NCOA3: variants seen among roughly 807,000 people sequenced by gnomAD.
NCOA3 encodes nuclear receptor coactivator 3.
NCOA3 carries 51 observed loss-of-function variants against 158.8 expected under a neutral mutation model. The observed-to-expected ratio is 0.32, with a 90% CI of 0.26 to 0.41. NCOA3 has a LOEUF of 0.41. Among genes scored for constraint, NCOA3 ranks in the 10% least tolerant of loss-of-function variants. NCOA3 has a pLI of 1.00. For missense variants in NCOA3, 1,510 were observed against 1,746.6 expected (o/e 0.86, Z 2.41); for synonymous variants, 537 against 592.4 (o/e 0.91, Z 1.36).
chr20:47,548,684 T>C (rs1321596916), intron 1 of NCOA3, among the ~76,000 whole-genome samples: 2 of 152,216 alleles, frequency 1.3e-5, no homozygotes, highest in Non-Finnish European at 2.9e-5. Context: ...AAAGTGTGCA[T>C]GTATATTATG....
intron 16 of NCOA3, among the ~76,000 whole-genome samples, chr20:47,641,746 C>T (rs961342205): frequency 5.9e-5 from 9 of 151,992 alleles, no homozygotes; most frequent in Admixed American, 6.6e-5. Flanking sequence ...CCGCCCGCCT[C>T]GGCCTCCCAA....
intron 1 of NCOA3, among the ~76,000 whole-genome samples, chr20:47,572,081 C>T (rs979420876): frequency 2.0e-5 from 3 of 152,130 alleles, no homozygotes; most frequent in African/African-American, 7.2e-5. Context: ...CATGAAGCAA[C>T]CTCTTCTAAC....
intron 1 of NCOA3, among the ~76,000 whole-genome samples, chr20:47,563,399 T>C (rs987867099): frequency 1.3e-5 from 2 of 152,072 alleles, no homozygotes; most frequent in African/African-American, 4.8e-5. Context: ...GGGGAGGAGA[T>C]GCATATGTAG....
chr20:47,530,609 C>T (rs955879052), intron 1 of NCOA3, among the ~76,000 whole-genome samples: 5 of 151,808 alleles, frequency 3.3e-5, no homozygotes, highest in Non-Finnish European at 5.9e-5. Flanking sequence ...ATTACAGGCT[C>T]CCGCCACCAT....
chr20:47,622,705 A>C (rs188074336), intron 3 of NCOA3, among the ~76,000 whole-genome samples: 59 of 152,286 alleles, frequency 3.9e-4, no homozygotes, highest in African/African-American at 1.4e-3. Context: ...GTCCAAAAAG[A>C]GAGTCAGCAA....
intron 1 of NCOA3, among the ~76,000 whole-genome samples, chr20:47,564,592 T>C (rs1218401285): frequency 6.6e-6 from 1 of 152,114 alleles, no homozygotes; most frequent in African/African-American, 2.4e-5. Context: ...ATCCTTGTTA[T>C]ATTTTTCATC....
At chr20:47,646,942 C>T in intron 17 of NCOA3, 131 bp from the exon 18 acceptor site, 2 of 730,870 alleles carry the variant, frequency 2.7e-6, no homozygotes, top group Admixed American at 2.8e-5. Context: ...AGAAGTGATG[C>T]CTGGCACATA....
At position 47,647,145 on chromosome 20, in the gene NCOA3, G is replaced by A; in HGVS notation, c.3325G>A (p.Gly1109Arg). The A allele has an allele frequency of 6.2e-7, 1 of 1,614,178 alleles. No individual in the cohort carries two copies. The highest frequency in any genetic ancestry group is 2.2e-5 in the East Asian group (1 of 44,882). The change falls in exon 18 of 23, where the codon GGA becomes AGA. Residue 1109 changes from glycine to arginine, a missense_variant. Around this residue, in one of 4 missense-constraint regions of NCOA3, gnomAD observed 1,017 missense variants for 1,098.3 expected, o/e 0.93. Transcript: ENST00000371998. ...EAAVMMDQKAGLYGQTYPAQG... is the reference protein window; with the variant it reads ...EAAVMMDQKARLYGQTYPAQG... ...AGCAGTAATGATGGATCAGAAGGCAGGATTATATGGACAGACATACCCAGC... is the reference window on the plus strand; with the variant it reads ...AGCAGTAATGATGGATCAGAAGGCAAGATTATATGGACAGACATACCCAGC...
At chr20:47,547,404 A>ACAT (rs1568672331) in intron 1 of NCOA3, among the ~76,000 whole-genome samples, 1 of 146,524 alleles carries the variant, frequency 6.8e-6, no homozygotes, top group Non-Finnish European at 1.5e-5. Context: ...TTTTATTTTT[A>ACAT]TATTATTATT....
At chr20:47,584,421 AC>A in intron 2 of NCOA3, among the ~76,000 whole-genome samples, 1 of 152,252 alleles carries the variant, frequency 6.6e-6, no homozygotes, top group South Asian at 2.1e-4. Flanking sequence ...GGAGTTTGAG[AC>A]CAGCCTGGCC....
In NCOA3 at chr20:47,618,348, GTTT is replaced by G. The variant is rs71183269; in HGVS notation, c.-19-3861_-19-3859del. Among the ~76,000 whole-genome samples, 515 of 101,362 alleles carry G rather than the reference GTTT, an allele frequency of 5.1e-3. 5 individuals are homozygous for G. Among genetic ancestry groups the G allele is most frequent in the African/African-American group, 0.019 (482 of 25,232 alleles). 66.5% of individuals were successfully genotyped at this position (101,362 alleles called of 152,430 possible). ...GATTTTAAGTTATTATTTTCCCTTA[GTTT>G]TTTTTTTTTTTTTTTTTTTATAGAC... On this transcript the variant is annotated intron_variant, in intron 2 of 22. Transcript: ENST00000371998.
chr20:47,544,096 A>T (rs1026081873), intron 1 of NCOA3, among the ~76,000 whole-genome samples: 1 of 152,190 alleles, frequency 6.6e-6, no homozygotes, highest in African/African-American at 2.4e-5. Flanking sequence ...ATAGTGATCA[A>T]AACTAAGGCT....
intron 12 of NCOA3, among the ~76,000 whole-genome samples, chr20:47,637,325 T>G (rs993441813): frequency 1.3e-5 from 2 of 152,208 alleles, no homozygotes; most frequent in African/African-American, 4.8e-5. Flanking sequence ...AAGGTTTGTG[T>G]AGATGCAGAT....
At chr20:47,589,474 C>G (rs2085590343) in intron 2 of NCOA3, among the ~76,000 whole-genome samples, 1 of 152,102 alleles carries the variant, frequency 6.6e-6, no homozygotes, top group Non-Finnish European at 1.5e-5. Context: ...CTCCCTGGTT[C>G]AAGTGATTCT....
At chr20:47,584,152 C>G (rs2085496675) in intron 2 of NCOA3, among the ~76,000 whole-genome samples, 1 of 151,888 alleles carries the variant, frequency 6.6e-6, no homozygotes, top group Non-Finnish European at 1.5e-5. Context: ...AAAAAATTAG[C>G]TAGCAAGGTG....
At chr20:47,508,980 T>TA (rs2084071719) in intron 1 of NCOA3, among the ~76,000 whole-genome samples, 1 of 152,210 alleles carries the variant, frequency 6.6e-6, no homozygotes. Flanking sequence ...TCTATAAACT[T>TA]AAGGCATTAT....
In NCOA3 at chr20:47,655,326, C is replaced by T. The variant is rs1450042004; in HGVS notation, c.*1909C>T. The T allele has an allele frequency of 2.0e-5, 3 of 152,178 alleles. No individual in the cohort carries two copies. The highest frequency in any genetic ancestry group is 4.4e-5 in the Non-Finnish European group (3 of 68,042). 9.4% of individuals were successfully genotyped at this position (152,178 alleles called of 1,614,324 possible). A position where few individuals can be genotyped will look rare whatever the true frequency, so the allele number is the denominator to read the frequency against. On this transcript the variant is annotated 3_prime_UTR_variant, in exon 23 of 23. Transcript: ENST00000371998. ...GAATGTCTGTGAATTTCAGAGGTCT[C>T]TGCTAGCCTTGGTATCATTTTCTAG...
At chr20:47,611,802 C>T (rs867793610) in intron 2 of NCOA3, among the ~76,000 whole-genome samples, 122 of 151,014 alleles carry the variant, frequency 8.1e-4, no homozygotes, top group African/African-American at 2.7e-3. Context: ...AAAAACAAAA[C>T]AAAACAAAAT....
At chr20:47,507,810 G>A (rs1026079174) in intron 1 of NCOA3, among the ~76,000 whole-genome samples, 4 of 152,064 alleles carry the variant, frequency 2.6e-5, no homozygotes, top group Non-Finnish European at 4.4e-5. Context: ...TAGAGATGGC[G>A]GTTTCTCCAT....
Sources: allele counts gnomAD v4.1 joint callset (sites outside exome capture counted in the v4.1 genomes callset), GRCh38; gene constraint gnomAD v4.1.1; regional missense constraint gnomAD v4.1.1; transcripts MANE v1.5; gene names NCBI Gene and HGNC (gene_info 2026-07-23, HGNC 2026-07-21).